AVEN: variants seen among roughly 807,000 people sequenced by gnomAD.
AVEN encodes cell death regulator Aven.
A neutral mutation model predicts 38.1 loss-of-function variants in AVEN; 41 were observed. The observed-to-expected ratio is 1.08, with a 90% CI of 0.84 to 1.40. The LOEUF is 1.40. Ranked by LOEUF, AVEN falls within the 40% of genes most tolerant of loss-of-function variation. The pLI, the probability that AVEN is intolerant of heterozygous loss-of-function variation, is 0.00. For missense variants in AVEN, 605 were observed against 438.8 expected, an observed-to-expected ratio of 1.38 and a Z score of -3.38; for synonymous variants, 206 against 171.8, an observed-to-expected ratio of 1.20 and a Z score of -1.56.
At chr15:33,994,916 A>G (rs1896871238) in intron 2 of AVEN, among the ~76,000 whole-genome samples, 1 of 152,228 alleles carries the variant, frequency 6.6e-6, no homozygotes, top group African/African-American at 2.4e-5. Flanking sequence ...GCAACCATCC[A>G]CATTGGTAGA....
At chr15:34,062,975 C>G in exon 5 of AVEN, 3 of 1,614,212 alleles carry the variant, frequency 1.9e-6, no homozygotes, top group Non-Finnish European at 2.5e-6. Flanking sequence ...CCATGAACCT[C>G]TACACCACCT....
the AVEN span, chr15:33,853,067 G>A: frequency 1.2e-6 from 2 of 1,604,190 alleles, no homozygotes; most frequent in Non-Finnish European, 1.7e-6. Flanking sequence ...TAACTACTGG[G>A]ACAAGTTTGT....
chr15:33,973,249 C>T (rs184892582), intron 2 of AVEN, among the ~76,000 whole-genome samples: 34 of 152,250 alleles, frequency 2.2e-4, no homozygotes, highest in African/African-American at 7.2e-4. Context: ...CTTTAAGAAG[C>T]AAAAGCCAGA....
intron 3 of AVEN, among the ~76,000 whole-genome samples, chr15:33,873,333 C>T (rs547993794): frequency 1.3e-5 from 2 of 150,604 alleles, no homozygotes; most frequent in South Asian, 4.2e-4. Flanking sequence ...CTCCTGACCT[C>T]AGGTAATCTG....
chr15:34,040,470 T>C (rs532739335), upstream of AVEN, among the ~76,000 whole-genome samples: 1 of 152,312 alleles, frequency 6.6e-6, no homozygotes, highest in South Asian at 2.1e-4. Flanking sequence ...AGAAACAGTC[T>C]TAAAAATAGT....
chr15:33,928,130 C>T (rs1029358931), intron 2 of AVEN, among the ~76,000 whole-genome samples: 4 of 152,198 alleles, frequency 2.6e-5, no homozygotes, highest in African/African-American at 9.7e-5. Context: ...TTTTCAACAC[C>T]TTGTCAAAAT....
chr15:33,867,490 C>T lies in AVEN; in HGVS notation c.973+5G>A. The T allele has an allele frequency of 6.4e-7, 1 of 1,559,406 alleles. No individual in the cohort carries two copies. Among genetic ancestry groups the T allele is most frequent in the Non-Finnish European group, 8.6e-7 (1 of 1,157,272 alleles). On this transcript the variant is annotated splice_donor_5th_base_variant and intron_variant, in intron 5 of 5. Coordinates refer to ENST00000306730, the MANE Select transcript of AVEN (RefSeq NM_020371.3). ...GATTCACGGGGAATAAAATGAAAGC[C>T]ATACCTTCTTCCTCTTGGACCACCT... is the stretch of plus-strand genomic sequence containing the variant.
intron 2 of AVEN, among the ~76,000 whole-genome samples, chr15:33,955,091 C>T (rs1735431014): frequency 6.6e-6 from 1 of 152,108 alleles, no homozygotes; most frequent in South Asian, 2.1e-4. Flanking sequence ...ACAGTATTGT[C>T]TTTTTTGTTT....
chr15:34,064,159 A>G, intron 4 of AVEN: 1 of 1,614,180 alleles, frequency 6.2e-7, no homozygotes, highest in Non-Finnish European at 8.5e-7. Flanking sequence ...CACTTGGGCT[A>G]TTGGTTGTGC....
chr15:34,063,655 A>C lies in AVEN; in HGVS notation n.1127-223T>G, dbSNP rs374089666. On this transcript the variant is annotated intron_variant and non_coding_transcript_variant, in intron 4 of 11. Coordinates refer to the AVEN transcript ENST00000675287. The surrounding 1 kb of genome is among the most constrained non-coding windows in gnomAD (Gnocchi z 4.1). Reference sequence around the variant, plus strand: ...AGCTACCCTTCCTCAGAGGATGAGGACAAGCCCGCCACTGACCCTGTCCTC... The same window carrying C: ...AGCTACCCTTCCTCAGAGGATGAGGCCAAGCCCGCCACTGACCCTGTCCTC... 29 of 1,614,032 alleles carry C rather than the reference A, an allele frequency of 1.8e-5. No individual in the cohort carries two copies. The highest frequency in any genetic ancestry group is 2.4e-5 in the Non-Finnish European group (28 of 1,180,028).
chr15:34,022,734 AT>A (rs1035224579), intron 1 of AVEN, among the ~76,000 whole-genome samples: 6 of 152,198 alleles, frequency 3.9e-5, no homozygotes, highest in African/African-American at 1.2e-4. Context: ...GCCCACTGTG[AT>A]TAAAAAAGGA....
At chr15:33,961,628 ACG>A (rs1423244056) in intron 2 of AVEN, among the ~76,000 whole-genome samples, 39 of 151,646 alleles carry the variant, frequency 2.6e-4, no homozygotes, top group Admixed American at 8.5e-4. Flanking sequence ...TCTGGCTAAC[ACG>A]GTGAAACCCC....
chr15:34,075,262 C>T (rs1284604105), upstream of AVEN, among the ~76,000 whole-genome samples: 5 of 151,738 alleles, frequency 3.3e-5, 1 homozygote, highest in South Asian at 2.1e-4. Context: ...CTCACAGTTC[C>T]GCATGGCTTG....
intron 1 of AVEN, among the ~76,000 whole-genome samples, chr15:34,072,852 T>C (rs181385991): frequency 6.6e-6 from 1 of 151,374 alleles, no homozygotes; most frequent in Non-Finnish European, 1.5e-5. Context: ...GGTTTCACCC[T>C]GTTAGCCACG....
intron 2 of AVEN, among the ~76,000 whole-genome samples, chr15:33,918,882 T>A (rs551505830): frequency 1.5e-3 from 225 of 151,958 alleles, no homozygotes; most frequent in Middle Eastern, 3.5e-3. Context: ...TACTGCCATC[T>A]GGTCATCAAA....
chr15:33,912,130 TAA>T (rs996342655), intron 2 of AVEN, among the ~76,000 whole-genome samples: 4 of 152,256 alleles, frequency 2.6e-5, no homozygotes, highest in Non-Finnish European at 5.9e-5. Context: ...GTGACCTTAG[TAA>T]AGTCAATTAA....
intron 4 of AVEN, among the ~76,000 whole-genome samples, chr15:33,868,297 G>A (rs1303972921): frequency 6.6e-6 from 1 of 152,130 alleles, no homozygotes; most frequent in Non-Finnish European, 1.5e-5. Flanking sequence ...GCCAAGGTGG[G>A]TGGATCATGA....
At chr15:33,974,782 G>A (rs1895810130) in intron 2 of AVEN, among the ~76,000 whole-genome samples, 3 of 152,254 alleles carry the variant, frequency 2.0e-5, no homozygotes, top group East Asian at 3.9e-4. Context: ...AGACCAGCCT[G>A]GCCAACATGT....
chr15:34,070,095 G>T (rs1567497428), intron 2 of AVEN, among the ~76,000 whole-genome samples: 1 of 152,174 alleles, frequency 6.6e-6, no homozygotes, highest in Non-Finnish European at 1.5e-5. Context: ...CATGACTGAA[G>T]TCACCTCTTC....
Sources: gnomAD v4.1 joint callset for allele counts (sites outside exome capture counted in the v4.1 genomes callset) on GRCh38, gnomAD v4.1.1 for gene constraint, Gnocchi (gnomAD v3.1) non-coding constraint, MANE v1.5 for transcripts, NCBI Gene and HGNC (gene_info 2026-07-23, HGNC 2026-07-21) for gene names.